Variants in ALK observed in about 807,000 individuals in gnomAD.
ALK encodes the protein ALK receptor tyrosine kinase.
ALK carries 74 observed loss-of-function variants against 163.1 expected under a neutral mutation model. The ratio of observed to expected loss-of-function variants is 0.45; its 90% CI spans 0.38 to 0.55. The LOEUF (loss-of-function observed/expected upper bound fraction) is 0.55, where lower values mean the gene tolerates loss of function less well. Among genes scored for constraint, ALK ranks in the 20% least tolerant of loss-of-function variants. The probability of loss-of-function intolerance (pLI) is 0.00; values close to 1 mark genes in which losing one functional copy is unlikely to be tolerated. For missense variants in ALK, 2,063 were observed against 2,105.3 expected (o/e 0.98, Z 0.39); for synonymous variants, 960 against 843.2 (o/e 1.14, Z -2.40).
chr2:29,403,172 C>T (rs1371702497), intron 4 of ALK, among the ~76,000 whole-genome samples: 1 of 152,146 alleles, frequency 6.6e-6, no homozygotes, highest in African/African-American at 2.4e-5. Flanking sequence ...AAGTGCTGAA[C>T]AAATGTTAAA....
At chr2:29,805,966 C>T (rs1664599672) in intron 1 of ALK, among the ~76,000 whole-genome samples, 1 of 152,130 alleles carries the variant, frequency 6.6e-6, no homozygotes, top group Non-Finnish European at 1.5e-5. Flanking sequence ...ATAAGGAACT[C>T]AGCACATTTG....
rs146360301 is a variant in ALK, at chr2:29,220,860, C to G, written c.3516-25G>C. 1,132 of 1,613,604 alleles carry G rather than the reference C, an allele frequency of 7.0e-4. 10 individuals carry two copies. The African/African-American group carries it at 0.013, about 18-fold the overall frequency. On this transcript the variant is annotated intron_variant, in intron 22 of 28. Transcript: ENST00000389048. ...GCTGCAGAGCAGAGAGGGATGTAAC[C>G]AAAATTAACTGAGCTGAGTCTGGGC...
At chr2:29,439,635 G>A (rs1166351179) in intron 4 of ALK, among the ~76,000 whole-genome samples, 1 of 151,176 alleles carries the variant, frequency 6.6e-6, no homozygotes, top group East Asian at 2.0e-4. Context: ...ATCAAATTAA[G>A]GTGAGGTCAT....
intron 1 of ALK, among the ~76,000 whole-genome samples, chr2:29,864,401 C>G (rs1666373050): frequency 1.3e-5 from 2 of 152,162 alleles, no homozygotes; most frequent in Admixed American, 1.3e-4. Context: ...CTAAGTAGGC[C>G]CTTTCTCTTT....
intron 3 of ALK, among the ~76,000 whole-genome samples, chr2:29,665,098 T>C (rs1286414460): frequency 6.6e-6 from 1 of 150,896 alleles, no homozygotes; most frequent in Non-Finnish European, 1.5e-5. Flanking sequence ...CCTCCTGGGC[T>C]CAAGTGATCC....
intron 3 of ALK, among the ~76,000 whole-genome samples, chr2:29,678,434 G>A (rs1677958407): frequency 6.6e-6 from 1 of 151,436 alleles, no homozygotes; most frequent in East Asian, 1.9e-4. Flanking sequence ...GGCATTCAAA[G>A]CTATACTTTT....
chr2:29,274,207 T>TG (rs1297970724), intron 11 of ALK, among the ~76,000 whole-genome samples: 1 of 152,198 alleles, frequency 6.6e-6, no homozygotes, highest in Admixed American at 6.5e-5. Context: ...AGAGCAGATG[T>TG]GGCAAAGGTA....
intron 1 of ALK, among the ~76,000 whole-genome samples, chr2:29,760,913 A>G (rs1030727557): frequency 8.5e-5 from 13 of 152,180 alleles, no homozygotes; most frequent in African/African-American, 2.7e-4. Flanking sequence ...ACATGCATCC[A>G]GAGTCTCATG....
At chr2:29,506,814 G>C (rs1672340289) in intron 4 of ALK, among the ~76,000 whole-genome samples, 1 of 152,064 alleles carries the variant, frequency 6.6e-6, no homozygotes, top group Non-Finnish European at 1.5e-5. Flanking sequence ...ACAGTGTTTT[G>C]GGTGGGACAC....
chr2:29,386,789 A>AT (rs1190432049), intron 4 of ALK, among the ~76,000 whole-genome samples: 7 of 152,334 alleles, frequency 4.6e-5, no homozygotes, highest in African/African-American at 1.7e-4. Context: ...CCAAACATGT[A>AT]TTTTATATCC....
At chr2:29,886,339 T>TAAAG (rs1321702685) in intron 1 of ALK, among the ~76,000 whole-genome samples, 1 of 152,212 alleles carries the variant, frequency 6.6e-6, no homozygotes, top group East Asian at 1.9e-4. Flanking sequence ...TTTGACTGTG[T>TAAAG]AAAGGGTCAA....
chr2:29,692,319 CAATG>C (rs1678422698), intron 3 of ALK, among the ~76,000 whole-genome samples: 1 of 152,086 alleles, frequency 6.6e-6, no homozygotes, highest in African/African-American at 2.4e-5. Flanking sequence ...TGGCATTACC[CAATG>C]AAATGGAAGA....
intron 4 of ALK, among the ~76,000 whole-genome samples, chr2:29,522,070 G>C (rs769438864): frequency 8.5e-5 from 13 of 152,178 alleles, no homozygotes; most frequent in Non-Finnish European, 1.5e-4. Context: ...ATAAATAATG[G>C]TTAATAATGA....
intron 25 of ALK, 102 bp from the exon 26 acceptor site, chr2:29,207,374 T>C (rs1669339967): frequency 3.4e-6 from 3 of 878,216 alleles, no homozygotes; most frequent in Admixed American, 3.9e-5. Flanking sequence ...AGTCTACCCA[T>C]TAAAGGTCTG....
intron 9 of ALK, among the ~76,000 whole-genome samples, chr2:29,284,338 A>C (rs186267141): frequency 1.5e-3 from 230 of 152,258 alleles, no homozygotes; most frequent in African/African-American, 5.2e-3. Flanking sequence ...GGCAGCATAG[A>C]TAGAACTGGA....
chr2:29,455,090 C>A (rs1670917247), intron 4 of ALK, among the ~76,000 whole-genome samples: 1 of 152,138 alleles, frequency 6.6e-6, no homozygotes, highest in Non-Finnish European at 1.5e-5. Flanking sequence ...CTCTTCACTT[C>A]TTCGCCCCAT....
intron 12 of ALK, among the ~76,000 whole-genome samples, chr2:29,244,349 C>T (rs181290265): frequency 5.9e-5 from 9 of 152,282 alleles, no homozygotes; most frequent in South Asian, 2.1e-4. Flanking sequence ...TGACACATGA[C>T]GCGTGTGAGT....
At chr2:29,563,951 C>A (rs987061679) in intron 3 of ALK, among the ~76,000 whole-genome samples, 2 of 152,190 alleles carry the variant, frequency 1.3e-5, no homozygotes, top group Admixed American at 1.3e-4. Context: ...TGGTCACCTG[C>A]CACCTCCTAA....
intron 4 of ALK, among the ~76,000 whole-genome samples, chr2:29,464,547 G>A (rs1405091051): frequency 6.6e-6 from 1 of 152,156 alleles, no homozygotes; most frequent in Admixed American, 6.5e-5. Flanking sequence ...GGCAAATCAG[G>A]GGAAAAATGA....
Sources: gnomAD v4.1 joint callset for allele counts (sites outside exome capture counted in the v4.1 genomes callset) on GRCh38, gnomAD v4.1.1 for gene constraint, MANE v1.5 for transcripts, NCBI Gene and HGNC (gene_info 2026-07-23, HGNC 2026-07-21) for gene names.